POF1B: variants seen among roughly 807,000 people sequenced by gnomAD.
POF1B encodes protein POF1B.
In POF1B, 53 loss-of-function variants were observed where a neutral mutation model predicts 55.3. The observed-to-expected ratio is 0.96, with a 90% CI of 0.77 to 1.20. POF1B has a LOEUF of 1.20. POF1B is among the 50% of genes most tolerant of loss of function. The pLI is 0.00. For missense variants in POF1B, 478 were observed against 420.5 expected (o/e 1.14, Z -1.20); for synonymous variants, 188 against 148.3 (o/e 1.27, Z -1.95).
intron 5 of POF1B, among the ~76,000 whole-genome samples, chrX:85,348,490 T>A (rs1241049489): frequency 9.0e-6 from 1 of 110,569 alleles, no homozygotes; most frequent in Non-Finnish European, 1.9e-5. Context: ...ACATTTCTCA[T>A]CTCCTAAGAG....
chrX:85,280,909 G>A (rs1317870088), intron 16 of POF1B, among the ~76,000 whole-genome samples: 1 of 110,839 alleles, frequency 9.0e-6, no homozygotes, highest in Non-Finnish European at 1.9e-5. Flanking sequence ...ATAATTCTTT[G>A]TTATGGGAGA....
At chrX:85,370,451 A>G (rs1001063298) in intron 2 of POF1B, among the ~76,000 whole-genome samples, 3 of 112,053 alleles carry the variant, frequency 2.7e-5, no homozygotes, top group African/African-American at 9.7e-5. Flanking sequence ...TAGGTTCAAA[A>G]ATTACAACAT....
chrX:85,355,789 C>G (rs1933483025), intron 4 of POF1B, among the ~76,000 whole-genome samples: 1 of 111,379 alleles, frequency 9.0e-6, no homozygotes. Context: ...GAATGGCAAT[C>G]ATTAAAAAGT....
intron 6 of POF1B, among the ~76,000 whole-genome samples, chrX:85,333,690 A>G (rs1189597736): frequency 1.8e-5 from 2 of 111,079 alleles, no homozygotes; most frequent in African/African-American, 6.5e-5. Context: ...AGGAAGAGTC[A>G]GTGTCATCAC....
intron 9 of POF1B, among the ~76,000 whole-genome samples, chrX:85,309,730 A>T (rs1438914233): frequency 8.9e-6 from 1 of 111,776 alleles, no homozygotes; most frequent in African/African-American, 3.3e-5. Flanking sequence ...AAGAAATTGC[A>T]ACTCTACTTC....
chrX:85,375,470 T>C (rs1388025111), intron 2 of POF1B, among the ~76,000 whole-genome samples: 2 of 111,679 alleles, frequency 1.8e-5, no homozygotes, highest in African/African-American at 6.5e-5. Flanking sequence ...CCATGGGCAT[T>C]TTCACTCAGC....
intron 15 of POF1B, among the ~76,000 whole-genome samples, chrX:85,290,367 G>A (rs6653054): frequency 0.13 from 14,477 of 110,719 alleles, 709 homozygotes; most frequent in South Asian, 0.18. Context: ...TGATGGGCAC[G>A]TGGGTTGATT....
rs201206040 is a variant in POF1B at position 85,325,847 on chromosome X, A to AT, written c.854+5101dup. Among the ~76,000 whole-genome samples, 236 of 109,968 alleles carry AT rather than the reference A, an allele frequency of 2.1e-3. 2 individuals carry two copies. The highest frequency in any genetic ancestry group is 7.2e-3 in the African/African-American group (218 of 30,153). ...TGAAGTTGCTGACCTTTGGTTGGTT[A>AT]TTTTTTTTCTTTTATCCTGTTTGGT... On this transcript the variant is annotated intron_variant, in intron 7 of 16. Coordinates refer to ENST00000262753, the MANE Select transcript of POF1B (RefSeq NM_024921.4).
In POF1B at chrX:85,317,797, T is replaced by C. The variant is rs147868321; in HGVS notation, c.855-2063A>G. On this transcript the variant is annotated intron_variant, in intron 7 of 16. Coordinates refer to ENST00000262753, the MANE Select transcript of POF1B (RefSeq NM_024921.4). ...AAGTTCATTGCAGCACTATTCACAA[T>C]AGCAAAGACATGGAATCAACCTAAA... Among the ~76,000 whole-genome samples, 16 of 111,713 alleles carry C rather than the reference T, an allele frequency of 1.4e-4. No homozygotes were observed. In the East Asian group the frequency reaches 3.7e-3, roughly 26 times the overall value.
chrX:85,289,432 C>T (rs1021742883), intron 15 of POF1B, among the ~76,000 whole-genome samples: 1 of 111,819 alleles, frequency 8.9e-6, no homozygotes, highest in Non-Finnish European at 1.9e-5. Context: ...TGTGCAATCA[C>T]GGAGGGAGTT....
intron 15 of POF1B, among the ~76,000 whole-genome samples, chrX:85,300,571 C>A (rs1219371200): frequency 8.9e-6 from 1 of 111,750 alleles, no homozygotes; most frequent in Non-Finnish European, 1.9e-5. Context: ...CAATGAACAC[C>A]TTGGCAGGAG....
intron 6 of POF1B, among the ~76,000 whole-genome samples, chrX:85,334,393 G>T (rs1490503967): frequency 9.0e-6 from 1 of 111,274 alleles, no homozygotes; most frequent in Non-Finnish European, 1.9e-5. Flanking sequence ...ATCAAGGAAG[G>T]AATACAGGCT....
intron 3 of POF1B, among the ~76,000 whole-genome samples, chrX:85,361,767 T>C (rs1284929131): frequency 8.9e-6 from 1 of 111,840 alleles, no homozygotes; most frequent in Non-Finnish European, 1.9e-5. Context: ...GGTAGTTTAA[T>C]AGGAATAGCA....
chrX:85,318,030 G>A (rs1932802899), intron 7 of POF1B, among the ~76,000 whole-genome samples: 1 of 111,037 alleles, frequency 9.0e-6, no homozygotes, highest in East Asian at 2.8e-4. Flanking sequence ...GAGAACATAT[G>A]GACACATAGA....
chrX:85,321,980 G>C (rs1009580799), intron 7 of POF1B, among the ~76,000 whole-genome samples: 1 of 110,634 alleles, frequency 9.0e-6, no homozygotes, highest in South Asian at 3.9e-4. Context: ...CATGTTCATG[G>C]GTAGGAAGAA....
rs1933566196 is a variant in POF1B, at chrX:85,359,574, T to C, written c.414A>G (p.Lys138=). The change falls in exon 4 of 17, where the codon AAA becomes AAG. Residue 138 remains lysine, a synonymous_variant. Coordinates refer to ENST00000262753, the MANE Select transcript of POF1B (RefSeq NM_024921.4). ...LTTYPQTTIR[K]YVVQNPEQEP... ...CCTGTTCAGGATTTTGTACTACATA[T>C]TTCCTAATAGTGGTCTGTGGATATG... 8.3e-7 allele frequency: 1 copy of C among 1,199,516 alleles called. No homozygotes were observed. The highest frequency in any genetic ancestry group is 1.1e-6 in the Non-Finnish European group (1 of 888,986).
chrX:85,336,837 G>C (rs1209960314), intron 6 of POF1B, among the ~76,000 whole-genome samples: 1 of 111,277 alleles, frequency 9.0e-6, no homozygotes, highest in Non-Finnish European at 1.9e-5. Flanking sequence ...TCGGTTGTTT[G>C]TGCTTCTGGG....
chrX:85,352,027 A>G (rs1487568147), intron 4 of POF1B, among the ~76,000 whole-genome samples: 1 of 110,813 alleles, frequency 9.0e-6, no homozygotes, highest in Admixed American at 9.6e-5. Context: ...AGCAGAGTAG[A>G]GGCTTTAAGA....
At chrX:85,293,752 A>T (rs1235691334) in intron 15 of POF1B, among the ~76,000 whole-genome samples, 1 of 111,726 alleles carries the variant, frequency 9.0e-6, no homozygotes, top group African/African-American at 3.2e-5. Flanking sequence ...GGGGCAGATC[A>T]CCCTGAGGTC....
Sources: allele counts gnomAD v4.1 joint callset (sites outside exome capture counted in the v4.1 genomes callset), GRCh38; gene constraint gnomAD v4.1.1; transcripts MANE v1.5; gene names NCBI Gene and HGNC (gene_info 2026-07-23, HGNC 2026-07-21).